LPL: variants seen among roughly 807,000 people sequenced by gnomAD.
The protein encoded by LPL is phospholipase A1.
LPL carries 43 observed loss-of-function variants against 52.2 expected under a neutral mutation model. That is an observed-to-expected ratio of 0.82 (90% confidence interval 0.64 to 1.06). The LOEUF (loss-of-function observed/expected upper bound fraction) is 1.06. Among genes scored for constraint, LPL ranks in the 50% least tolerant of loss-of-function variants. The pLI is 0.00. For synonymous variants in LPL, 244 were observed against 215.6 expected (o/e 1.13, Z -1.15); for missense variants, 639 against 585.3 (o/e 1.09, Z -0.95).
At position 19,965,545 on chromosome 8, in the gene LPL, A is replaced by C. The variant is rs2070078257; in HGVS notation, c.*235A>C. The C allele has an allele frequency of 3.8e-6, 2 of 525,936 alleles. No homozygotes were observed. Among genetic ancestry groups the C allele is most frequent in the South Asian group, 5.9e-5 (2 of 33,870 alleles). 32.6% of individuals were successfully genotyped at this position (525,936 alleles called of 1,614,324 possible). ...GCCAAATAGCACATCCTCCAACGTT[A>C]AAAGACAGTGGATCATGAAAAGTGC... On this transcript the variant is annotated 3_prime_UTR_variant, in exon 10 of 10. Coordinates refer to ENST00000650287, the MANE Select transcript of LPL (RefSeq NM_000237.3).
At chr8:19,956,429 A>G (rs535604624) in intron 6 of LPL, among the ~76,000 whole-genome samples, 3 of 152,258 alleles carry the variant, frequency 2.0e-5, no homozygotes, top group African/African-American at 7.2e-5. Flanking sequence ...CTTGTGCCAA[A>G]TCCAGCCTAC....
rs1025257094 is a variant in LPL, at chr8:19,944,155, C to T, written c.89-4025C>T. Among the ~76,000 whole-genome samples, 1 of 152,094 alleles carries T rather than the reference C, an allele frequency of 6.6e-6. No individual in the cohort carries two copies. Among genetic ancestry groups the T allele is most frequent in the Non-Finnish European group, 1.5e-5 (1 of 68,006 alleles). ...GAGTCACGATCGTGCCACTGCACTC[C>T]AGCCTGGGTGACAGAGCAAGACTCC... On this transcript the variant is annotated intron_variant, in intron 1 of 9. Coordinates refer to ENST00000650287, the MANE Select transcript of LPL (RefSeq NM_000237.3). The surrounding 1 kb of genome is among the most constrained non-coding windows in gnomAD (Gnocchi z 4.2).
intron 2 of LPL, 52 bp downstream of exon 2, chr8:19,948,392 C>G: frequency 6.2e-7 from 1 of 1,602,730 alleles, no homozygotes; most frequent in Non-Finnish European, 8.5e-7. Flanking sequence ...GGTATCCTGA[C>G]TGGCCTGCCC....
At chr8:19,955,614 A>C (rs2069977280) in intron 5 of LPL, among the ~76,000 whole-genome samples, 1 of 152,190 alleles carries the variant, frequency 6.6e-6, no homozygotes, top group Non-Finnish European at 1.5e-5. Flanking sequence ...GAAGCACAAA[A>C]GTCAAAAATT....
rs1193006100 is a variant in LPL, at chr8:19,955,991, G to T, written c.926G>T (p.Arg309Leu). ...CTCTGCTTGAGTTGTAGAAAGAACC[G>T]CTGCAACAATCTGGGCTATGAGATC... ...KGLCLSCRKN[R>L]CNNLGYEINK... The change falls in exon 6 of 10, where the codon CGC becomes CTC. Residue 309 changes from arginine (R) to leucine (L), a missense_variant. Physicochemically the swap from Arg to Leu is moderately radical, Grantham distance 102. Coordinates refer to ENST00000650287, the MANE Select transcript of LPL (RefSeq NM_000237.3). 6.2e-7 allele frequency: 1 copy of T among 1,613,998 alleles called. No individual in the cohort carries two copies. The highest frequency in any genetic ancestry group is 8.5e-7 in the Non-Finnish European group (1 of 1,180,038).
intron 1 of LPL, among the ~76,000 whole-genome samples, chr8:19,943,994 G>A (rs905982468): frequency 5.3e-5 from 8 of 151,982 alleles, no homozygotes; most frequent in East Asian, 3.9e-4. Context: ...CAAGACCAGC[G>A]TGGCCAGGAT....
At chr8:19,952,927 C>T (rs911535350) in intron 3 of LPL, among the ~76,000 whole-genome samples, 24 of 152,190 alleles carry the variant, frequency 1.6e-4, no homozygotes, top group Admixed American at 7.8e-4. Context: ...TAAATGTATA[C>T]GCATATGTAT....
chr8:19,951,216 T>G (rs747404433), intron 2 of LPL, among the ~76,000 whole-genome samples: 3 of 152,148 alleles, frequency 2.0e-5, no homozygotes, highest in Non-Finnish European at 4.4e-5. Context: ...GTCACTGGCT[T>G]TAAGTACAGG....
At position 19,966,982 on chromosome 8, in the gene LPL, T is replaced by C. The variant is rs2070095183; in HGVS notation, c.*1672T>C. The C allele has an allele frequency of 2.6e-5, 4 of 152,764 alleles. No individual in the cohort carries two copies. The highest frequency in any genetic ancestry group is 5.9e-5 in the Non-Finnish European group (4 of 68,044). The allele number at this position is 152,764 out of a possible 1,614,324, so 9.5% of individuals were successfully genotyped here. A position where few individuals can be genotyped will look rare whatever the true frequency, so the allele number is the denominator to read the frequency against. On this transcript the variant is annotated 3_prime_UTR_variant, in exon 10 of 10. Coordinates refer to ENST00000650287, the MANE Select transcript of LPL (RefSeq NM_000237.3). ...GAACTCTGGCTCCGAAAAACTTTGT[T>C]ATATATATCAAGGATGTTCTGGCTT...
At chr8:19,962,308 A>AGC in intron 9 of LPL, 89 bp downstream of exon 9, 1 of 956,064 alleles carries the variant, frequency 1.0e-6, no homozygotes, top group South Asian at 1.3e-5. Context: ...CCCCATCACC[A>AGC]GCAGCTTGCC....
chr8:19,962,590 G>A (rs188140446), intron 9 of LPL, among the ~76,000 whole-genome samples: 17 of 152,138 alleles, frequency 1.1e-4, no homozygotes, highest in East Asian at 1.9e-4. Flanking sequence ...AGTAGTTGCC[G>A]TTCTGGCTGT....
intron 2 of LPL, among the ~76,000 whole-genome samples, chr8:19,951,429 C>T (rs1342641593): frequency 1.3e-5 from 2 of 152,172 alleles, no homozygotes; most frequent in East Asian, 1.9e-4. Flanking sequence ...CTGCTAGTTT[C>T]CTCAAAGACC....
chr8:19,947,162 C>T (rs1344011695), intron 1 of LPL, among the ~76,000 whole-genome samples: 1 of 152,098 alleles, frequency 6.6e-6, no homozygotes, highest in Non-Finnish European at 1.5e-5. Flanking sequence ...ATACAAAAGC[C>T]TCCTCATGCT....
intron 1 of LPL, among the ~76,000 whole-genome samples, chr8:19,942,523 T>C (rs2069849670): frequency 6.6e-6 from 1 of 152,204 alleles, no homozygotes; most frequent in African/African-American, 2.4e-5. Flanking sequence ...AGCTTTGGGA[T>C]CATCTATCCA....
chr8:19,965,412 C>T lies in LPL; in HGVS notation c.*102C>T. ...AACATACCCAGTGTTTGGGGTGTTT[C>T]AAAAGTGGATTTTCCTGAATATTAA... On this transcript the variant is annotated 3_prime_UTR_variant, in exon 10 of 10. Coordinates refer to ENST00000650287, the MANE Select transcript of LPL (RefSeq NM_000237.3). 1 of 763,228 alleles carries T rather than the reference C, an allele frequency of 1.3e-6. No individual in the cohort carries two copies. Among genetic ancestry groups the T allele is most frequent in the South Asian group, 1.4e-5 (1 of 72,216 alleles). 47.3% of individuals were successfully genotyped at this position (763,228 alleles called of 1,614,324 possible).
chr8:19,965,760 CGGCACG>C lies in LPL; in HGVS notation c.*451_*456del. Reference sequence around the variant, plus strand: ...CAAGAATACAGAAAATGCTTTTCCGCGGCACGAATCAGACTCATCTACACAGCAGTA... The same window carrying C: ...CAAGAATACAGAAAATGCTTTTCCGCAATCAGACTCATCTACACAGCAGTA... On this transcript the variant is annotated 3_prime_UTR_variant, in exon 10 of 10. Coordinates refer to ENST00000650287, the MANE Select transcript of LPL (RefSeq NM_000237.3). 1 of 155,750 alleles carries C rather than the reference CGGCACG, an allele frequency of 6.4e-6. No individual in the cohort carries two copies. The allele number at this position is 155,750 out of a possible 1,614,324, so 9.6% of individuals were successfully genotyped here.
At position 19,950,995 on chromosome 8, in the gene LPL, T is replaced by C. The variant is rs1040585034; in HGVS notation, c.250-774T>C. Among the ~76,000 whole-genome samples, 1 of 151,724 alleles carries C rather than the reference T, an allele frequency of 6.6e-6. No individual in the cohort carries two copies. Among genetic ancestry groups the C allele is most frequent in the African/African-American group, 2.4e-5 (1 of 41,112 alleles). The stretch of plus-strand genomic sequence containing the variant: ...AGAAACACTGGTAGTACAGAAAAAC[T>C]TCTGATAGAGGCCTAGAGTAAACCC... On this transcript the variant is annotated intron_variant, in intron 2 of 9. Transcript: ENST00000650287. This position sits in a 1 kb window ranked among gnomAD's most constrained non-coding sequence, Gnocchi z 4.2.
Position 19,959,322 on chromosome 8 carries a change from G to A in LPL, c.1081G>A (p.Ala361Thr), listed in dbSNP as rs118204071. ...GTESETHTNQAFEISLYGTVA... is the reference protein window; with the variant it reads ...GTESETHTNQTFEISLYGTVA... ...TGAGAGTGAAACCCATACCAATCAG[G>A]CCTTTGAGATTTCTCTGTATGGCAC... is the stretch of plus-strand genomic sequence containing the variant. The change falls in exon 7 of 10, where the codon GCC (alanine) becomes ACC (threonine). Residue 361 changes from alanine to threonine, a missense_variant. Coordinates refer to ENST00000650287, the MANE Select transcript of LPL (RefSeq NM_000237.3). 3 of 1,614,076 alleles carry A rather than the reference G, an allele frequency of 1.9e-6. No homozygotes were observed. The highest frequency in any genetic ancestry group is 2.2e-5 in the East Asian group (1 of 44,872).
At chr8:19,955,775 T>G in intron 5 of LPL, 66 bp from the exon 6 acceptor site, 1 of 1,606,546 alleles carries the variant, frequency 6.2e-7, no homozygotes, top group Non-Finnish European at 8.5e-7. Context: ...ATTTTAGACA[T>G]GCCAAATGAA....
Sources: allele counts gnomAD v4.1 joint callset (sites outside exome capture counted in the v4.1 genomes callset), GRCh38; gene constraint gnomAD v4.1.1; non-coding constraint Gnocchi (gnomAD v3.1); transcripts MANE v1.5; gene names NCBI Gene and HGNC (gene_info 2026-07-23, HGNC 2026-07-21).